PDE3B: variants seen among roughly 807,000 people sequenced by gnomAD.
PDE3B encodes the protein phosphodiesterase 3B, also known as cGMP-inhibited 3',5'-cyclic phosphodiesterase 3B.
PDE3B carries 66 observed loss-of-function variants against 116.8 expected under a neutral mutation model. The ratio of observed to expected loss-of-function variants is 0.56; its 90% CI spans 0.46 to 0.69. PDE3B has a LOEUF of 0.69. Among genes scored for constraint, PDE3B ranks in the 30% least tolerant of loss-of-function variants. PDE3B has a pLI of 0.00. For missense variants in PDE3B, 1,384 were observed against 1,368.1 expected (o/e 1.01, Z -0.18); for synonymous variants, 595 against 533.6 (o/e 1.12, Z -1.59).
intron 1 of PDE3B, among the ~76,000 whole-genome samples, chr11:14,760,716 A>G (rs1300608371): frequency 6.6e-6 from 1 of 152,190 alleles, no homozygotes; most frequent in African/African-American, 2.4e-5. Flanking sequence ...CGCATTGCTT[A>G]GTTCTCAACT....
chr11:14,885,540 T>C, the PDE3B span, among the ~76,000 whole-genome samples: 1 of 152,220 alleles, frequency 6.6e-6, no homozygotes, highest in Non-Finnish European at 1.5e-5. Flanking sequence ...GTGTTGATTC[T>C]TTAAAACATT....
At chr11:14,733,307 T>A (rs990165907) in intron 1 of PDE3B, among the ~76,000 whole-genome samples, 3 of 152,186 alleles carry the variant, frequency 2.0e-5, no homozygotes, top group African/African-American at 7.2e-5. Flanking sequence ...GAAATGACAA[T>A]AAGCTCCGAT....
Position 14,866,177 on chromosome 11 carries a change from G to C in PDE3B, c.2887-1329G>C, listed in dbSNP as rs543347714. 9.9e-5 allele frequency among the ~76,000 whole-genome samples: 15 copies of C among 152,176 alleles called. No homozygotes were observed. The East Asian group carries it at 2.7e-3, about 27-fold the overall frequency. ...TCTGATACATAAGTGCTCAATAAATGTTAACTATTATAATTTCATATATAT... is the reference window on the plus strand; with the variant it reads ...TCTGATACATAAGTGCTCAATAAATCTTAACTATTATAATTTCATATATAT... On this transcript the variant is annotated intron_variant, in intron 14 of 15. Coordinates refer to ENST00000282096, the MANE Select transcript of PDE3B (RefSeq NM_000922.4).
At chr11:14,776,370 C>G (rs1420834730) in intron 2 of PDE3B, 1 of 152,236 alleles carries the variant, frequency 6.6e-6, no homozygotes, top group East Asian at 1.9e-4. Context: ...GATGTCCTCA[C>G]AAATGCCTAG....
At position 14,648,808 on chromosome 11, in the gene PDE3B, C is replaced by T. The variant is rs1298394291; in HGVS notation, c.978+3755C>T. Among the ~76,000 whole-genome samples the T allele has an allele frequency of 2.0e-5, 3 of 152,128 alleles. No individual in the cohort carries two copies. In the East Asian group the frequency reaches 5.8e-4, roughly 29 times the overall value. On this transcript the variant is annotated intron_variant, in intron 1 of 15. Transcript: ENST00000282096. ...TTACTAATGGGACACTCCCTCTCCA[C>T]ATGCATTCTAGCTATTTGAGGGCTG...
At chr11:14,753,847 G>T (rs1857116550) in intron 1 of PDE3B, among the ~76,000 whole-genome samples, 1 of 152,064 alleles carries the variant, frequency 6.6e-6, no homozygotes, top group Non-Finnish European at 1.5e-5. Context: ...GATGTTAGAT[G>T]ATTAAATAGT....
intron 1 of PDE3B, chr11:14,674,217 G>A (rs1854461025): frequency 8.1e-7 from 1 of 1,240,738 alleles, no homozygotes; most frequent in Non-Finnish European, 1.2e-6. Flanking sequence ...TTTTCTGTTT[G>A]TTCTTTTTTG....
chr11:14,704,554 T>A (rs905171980), intron 1 of PDE3B, among the ~76,000 whole-genome samples: 1 of 151,772 alleles, frequency 6.6e-6, no homozygotes, highest in African/African-American at 2.4e-5. Context: ...TTAAAGACAA[T>A]GTGGTATTAG....
chr11:14,647,669 G>A (rs1273888165), intron 1 of PDE3B, among the ~76,000 whole-genome samples: 1 of 151,624 alleles, frequency 6.6e-6, no homozygotes, highest in East Asian at 1.9e-4. Context: ...TTTGTAGGAT[G>A]GTAACAAAAT....
At chr11:14,785,940 A>G (rs1032081523) in intron 2 of PDE3B, among the ~76,000 whole-genome samples, 1 of 152,038 alleles carries the variant, frequency 6.6e-6, no homozygotes, top group Non-Finnish European at 1.5e-5. Flanking sequence ...CAGATTTCTC[A>G]TATTAGCCCA....
Position 14,871,532 on chromosome 11 carries a change from C to CA in PDE3B, c.*1873dup, listed in dbSNP as rs1244428584. 1 of 152,072 alleles carries CA rather than the reference C, an allele frequency of 6.6e-6. No homozygotes were observed. Among genetic ancestry groups the CA allele is most frequent in the Non-Finnish European group, 1.5e-5 (1 of 68,002 alleles). The allele number at this position is 152,072 out of a possible 1,614,324, so 9.4% of individuals were successfully genotyped here. ...ACAAGCATGCATATTGAGATTGAAT[C>CA]ACATTTCCATACTGTCTGTTATTTT... On this transcript the variant is annotated 3_prime_UTR_variant, in exon 16 of 16. Transcript: ENST00000282096.
intron 1 of PDE3B, among the ~76,000 whole-genome samples, chr11:14,688,348 C>G (rs1020749606): frequency 2.6e-5 from 4 of 152,144 alleles, no homozygotes; most frequent in East Asian, 3.9e-4. Context: ...GAAAAATGGA[C>G]ACACTGAATC....
chr11:14,837,099 C>T (rs926051171), intron 11 of PDE3B, among the ~76,000 whole-genome samples: 3 of 152,226 alleles, frequency 2.0e-5, no homozygotes, highest in African/African-American at 7.2e-5. Flanking sequence ...CAGGCGTGAG[C>T]CACTGTGTCT....
Position 14,788,150 on chromosome 11 carries a change from G to A in PDE3B, c.1279-956G>A, listed in dbSNP as rs138578953. On this transcript the variant is annotated intron_variant, in intron 3 of 15. Coordinates refer to ENST00000282096, the MANE Select transcript of PDE3B (RefSeq NM_000922.4). ...CCTTTTCTTTGTGTTCTTTAAACTC[G>A]TTATTAGAACTCTATATCGAATTTG... 3.2e-3 allele frequency among the ~76,000 whole-genome samples: 479 copies of A among 151,864 alleles called. 3 individuals carry two copies. The highest frequency in any genetic ancestry group is 0.011 in the African/African-American group (457 of 41,502).
At chr11:14,855,937 G>T (rs1393548255) in intron 12 of PDE3B, among the ~76,000 whole-genome samples, 1 of 152,080 alleles carries the variant, frequency 6.6e-6, no homozygotes, top group Non-Finnish European at 1.5e-5. Flanking sequence ...GCAGAAGAAG[G>T]GTGGTAACTA....
chr11:14,852,021 A>T (rs951038244), intron 12 of PDE3B, among the ~76,000 whole-genome samples: 4 of 152,154 alleles, frequency 2.6e-5, no homozygotes, highest in Non-Finnish European at 4.4e-5. Context: ...CATAGGTAGA[A>T]GTTACTTACT....
chr11:14,892,133 G>T, the PDE3B span: 2 of 1,611,562 alleles, frequency 1.2e-6, no homozygotes, highest in South Asian at 1.1e-5. Context: ...CGGACCCCTA[G>T]CGCGAAGAGC....
intron 7 of PDE3B, among the ~76,000 whole-genome samples, chr11:14,829,353 A>T (rs915492854): frequency 6.6e-6 from 1 of 152,234 alleles, no homozygotes; most frequent in East Asian, 1.9e-4. Context: ...TGAGGCTAGG[A>T]CTCATTTCTA....
chr11:14,749,899 C>CATATATATATATATATATATATATATAT (rs66919202), intron 1 of PDE3B, among the ~76,000 whole-genome samples: 4,316 of 76,558 alleles, frequency 0.056, 654 homozygotes, highest in Non-Finnish European at 0.07. Flanking sequence ...AAATATATCC[C>CATATATATATATATATATATATATATAT]ATATATATAT....
Sources: gnomAD v4.1 joint callset for allele counts (sites outside exome capture counted in the v4.1 genomes callset) on GRCh38, gnomAD v4.1.1 for gene constraint, MANE v1.5 for transcripts, NCBI Gene and HGNC (gene_info 2026-07-23, HGNC 2026-07-21) for gene names.